Variants in SSH2 observed in about 807,000 individuals in gnomAD.
SSH2 encodes protein phosphatase Slingshot homolog 2.
In SSH2, 37 loss-of-function variants were observed where a neutral mutation model predicts 135.2. That is an observed-to-expected ratio of 0.27 (90% confidence interval 0.21 to 0.36). SSH2 has a LOEUF of 0.36. Among genes scored for constraint, SSH2 ranks in the 10% least tolerant of loss-of-function variants. The pLI, the probability that SSH2 is intolerant of heterozygous loss-of-function variation, is 1.00. For missense variants in SSH2, 1,408 were observed against 1,765.3 expected, an observed-to-expected ratio of 0.80 and a Z score of 3.63; for synonymous variants, 628 against 646.2, an observed-to-expected ratio of 0.97 and a Z score of 0.43.
intron 1 of SSH2, among the ~76,000 whole-genome samples, chr17:29,871,300 G>A (rs2065932893): frequency 6.6e-6 from 1 of 152,154 alleles, no homozygotes; most frequent in African/African-American, 2.4e-5. Flanking sequence ...TGGATTGTAA[G>A]GAAGTCACTG....
chr17:29,825,135 C>T (rs987562790), intron 2 of SSH2, among the ~76,000 whole-genome samples: 6 of 152,262 alleles, frequency 3.9e-5, no homozygotes, highest in South Asian at 2.1e-4. Flanking sequence ...TATTTTCCTA[C>T]GGACAGTTTC....
chr17:29,768,394 G>A (rs1286114969), intron 3 of SSH2, among the ~76,000 whole-genome samples: 1 of 150,178 alleles, frequency 6.7e-6, no homozygotes, highest in Admixed American at 6.7e-5. Flanking sequence ...CTGGGCTCAA[G>A]CAGTTCTCCT....
At chr17:29,824,076 G>A (rs528936581) in intron 2 of SSH2, among the ~76,000 whole-genome samples, 2 of 152,196 alleles carry the variant, frequency 1.3e-5, no homozygotes, top group East Asian at 3.9e-4. Context: ...TCTAGGTCTA[G>A]TGGAACTATA....
intron 4 of SSH2, among the ~76,000 whole-genome samples, chr17:29,700,578 G>A (rs190350558): frequency 1.3e-5 from 2 of 152,256 alleles, no homozygotes; most frequent in Non-Finnish European, 2.9e-5. Context: ...CTTCTGGGTT[G>A]AATTTCCAGT....
At chr17:29,677,800 GTTTACTAAC>G in intron 6 of SSH2, 59 bp from the exon 7 acceptor site, 1 of 1,333,546 alleles carries the variant, frequency 7.5e-7, no homozygotes, top group Non-Finnish European at 1.1e-6. Flanking sequence ...GCAGTCTTCT[GTTTACTAAC>G]TCTTTCAACA....
Position 29,930,171 on chromosome 17 carries a change from G to T in SSH2, c.-171C>A, listed in dbSNP as rs2067163730. 1 of 604,940 alleles carries T rather than the reference G, an allele frequency of 1.7e-6. No homozygotes were observed. Among genetic ancestry groups the T allele is most frequent in the South Asian group, 2.1e-5 (1 of 47,138 alleles). The allele number at this position is 604,940 out of a possible 1,614,324, so 37.5% of individuals were successfully genotyped here. On this transcript the variant is annotated 5_prime_UTR_variant, in exon 1 of 16. Coordinates refer to ENST00000540801, the MANE Select transcript of SSH2 (RefSeq NM_001282129.2). ...ACTCCGCACCCACCACCAGACTGTC[G>T]CCGACTGACGCTCCGAACGGGCGGC...
chr17:29,928,160 A>C (rs1222258907), intron 1 of SSH2: 1 of 176,766 alleles, frequency 5.7e-6, no homozygotes, highest in Non-Finnish European at 1.2e-5. Flanking sequence ...CTTTCAATCG[A>C]TTTCTTCAAA....
intron 2 of SSH2, among the ~76,000 whole-genome samples, chr17:29,802,005 A>G (rs73263654): frequency 0.015 from 2,241 of 152,286 alleles, 56 homozygotes; most frequent in African/African-American, 0.05. Flanking sequence ...AGACAGAATC[A>G]TTTACTTGAT....
At chr17:29,739,331 T>A (rs1313090826) in intron 3 of SSH2, among the ~76,000 whole-genome samples, 1 of 152,226 alleles carries the variant, frequency 6.6e-6, no homozygotes, top group African/African-American at 2.4e-5. Flanking sequence ...ATTGGTGTAA[T>A]GCTCTGCTGT....
rs1426694239 is a variant in SSH2 at position 29,631,098 on chromosome 17, C to T, written c.4096G>A (p.Val1366Met). The change falls in exon 16 of 16, where the codon GTG (valine) becomes ATG (methionine). Residue 1366 changes from valine (V) to methionine (M), a missense_variant. Coordinates refer to ENST00000540801, the MANE Select transcript of SSH2 (RefSeq NM_001282129.2). ...TTECIVQSKPVERPLVQYAKE... is the reference protein window; with the variant it reads ...TTECIVQSKPMERPLVQYAKE... ...GCATACTGCACAAGGGGCCTCTCCA[C>T]TGGCTTGCTCTGCACAATACACTCT... is the stretch of plus-strand genomic sequence containing the variant. 6.2e-7 allele frequency: 1 copy of T among 1,614,242 alleles called. No individual in the cohort carries two copies.
At chr17:29,848,600 C>T (rs1402080213) in intron 2 of SSH2, among the ~76,000 whole-genome samples, 1 of 152,118 alleles carries the variant, frequency 6.6e-6, no homozygotes, top group Admixed American at 6.5e-5. Context: ...TTCCAAGATG[C>T]CACATTTTTT....
intron 1 of SSH2, among the ~76,000 whole-genome samples, chr17:29,849,996 C>T (rs2065524745): frequency 7.0e-6 from 1 of 142,306 alleles, no homozygotes; most frequent in Non-Finnish European, 1.5e-5. Flanking sequence ...CGCCATTGCA[C>T]TCCAGCCTGG....
In SSH2 at chr17:29,800,123, A is replaced by T. The variant is rs191769976; in HGVS notation, c.145-6186T>A. On this transcript the variant is annotated intron_variant, in intron 2 of 15. Transcript: ENST00000540801. ...ATCAGAACAGTGTTTTTAACACAAG[A>T]TCCCCAAATAATTTTTTCTTTCTTT... Among the ~76,000 whole-genome samples, 741 of 152,268 alleles carry T rather than the reference A, an allele frequency of 4.9e-3. 5 individuals are homozygous for T. Among genetic ancestry groups the T allele is most frequent in the Admixed American group, 8.6e-3 (132 of 15,284 alleles).
chr17:29,701,885 TA>T (rs1416184275), intron 4 of SSH2, among the ~76,000 whole-genome samples: 5 of 147,136 alleles, frequency 3.4e-5, no homozygotes, highest in African/African-American at 1.3e-4. Context: ...TTGGCTAATT[TA>T]AAATTTTTTT....
chr17:29,806,381 A>G (rs1327544380), intron 2 of SSH2, among the ~76,000 whole-genome samples: 1 of 152,208 alleles, frequency 6.6e-6, no homozygotes, highest in Non-Finnish European at 1.5e-5. Context: ...AAGGTCAAAT[A>G]ACACCTTCTA....
chr17:29,749,535 A>T lies in SSH2; in HGVS notation c.188+44359T>A, dbSNP rs190037577. The stretch of plus-strand genomic sequence containing the variant: ...AGAAAAGGCACAGTAAAAATGTGGT[A>T]TAGAAGATAAAAAGTGGTACACCTG... On this transcript the variant is annotated intron_variant, in intron 3 of 15. Coordinates refer to ENST00000540801, the MANE Select transcript of SSH2 (RefSeq NM_001282129.2). Among the ~76,000 whole-genome samples, 118 of 152,288 alleles carry T rather than the reference A, an allele frequency of 7.7e-4. 1 individual carries two copies. Among genetic ancestry groups the T allele is most frequent in the Middle Eastern group, 6.8e-3 (2 of 294 alleles).
intron 1 of SSH2, among the ~76,000 whole-genome samples, chr17:29,882,075 T>C (rs1292161594): frequency 6.6e-6 from 1 of 152,242 alleles, no homozygotes; most frequent in African/African-American, 2.4e-5. Flanking sequence ...GATTGATACA[T>C]AGCTGTCCTA....
intron 3 of SSH2, among the ~76,000 whole-genome samples, chr17:29,748,052 TA>T (rs1160180640): frequency 1.3e-5 from 2 of 152,320 alleles, no homozygotes; most frequent in Non-Finnish European, 2.9e-5. Context: ...ATTCTAGACT[TA>T]TCAAAAAGAA....
intron 1 of SSH2, among the ~76,000 whole-genome samples, chr17:29,881,791 C>T (rs958232505): frequency 6.6e-6 from 1 of 152,166 alleles, no homozygotes; most frequent in African/African-American, 2.4e-5. Context: ...TGAGCCACCA[C>T]ACCCAGCCCA....
Sources: gnomAD v4.1 joint callset for allele counts (sites outside exome capture counted in the v4.1 genomes callset) on GRCh38, gnomAD v4.1.1 for gene constraint, MANE v1.5 for transcripts, NCBI Gene and HGNC (gene_info 2026-07-23, HGNC 2026-07-21) for gene names.